Variants in PSTPIP2 observed in about 807,000 individuals in gnomAD.
PSTPIP2 encodes proline-serine-threonine phosphatase-interacting protein 2.
PSTPIP2 carries 33 observed loss-of-function variants against 63.3 expected under a neutral mutation model. The ratio of observed to expected loss-of-function variants is 0.52; its 90% CI spans 0.40 to 0.70. PSTPIP2 has a LOEUF of 0.70. Ranked by LOEUF, PSTPIP2 falls within the 30% of genes least tolerant of loss-of-function variation. PSTPIP2 has a pLI of 0.00. For missense variants in PSTPIP2, 312 were observed against 400.7 expected, an observed-to-expected ratio of 0.78 and a Z score of 1.89; for synonymous variants, 125 against 132.7, an observed-to-expected ratio of 0.94 and a Z score of 0.40.
intron 2 of PSTPIP2, chr18:46,028,335 G>A (rs1010989290): frequency 2.1e-6 from 1 of 474,136 alleles, no homozygotes; most frequent in South Asian, 1.7e-5. Context: ...GAGCGGGGCC[G>A]AGCGAGCCGC....
intron 7 of PSTPIP2, 93 bp downstream of exon 7, chr18:45,999,343 G>A: frequency 1.7e-6 from 2 of 1,186,368 alleles, no homozygotes; most frequent in Non-Finnish European, 2.5e-6. Context: ...AGGGGTTTAG[G>A]ATACAGGTTC....
intron 14 of PSTPIP2, among the ~76,000 whole-genome samples, chr18:45,986,057 A>G (rs1164022891): frequency 6.6e-6 from 1 of 152,192 alleles, no homozygotes; most frequent in African/African-American, 2.4e-5. Context: ...AATTACAGGC[A>G]TGAGCCACCG....
Position 45,985,441 on chromosome 18 carries a change from G to C in PSTPIP2, c.*18C>G. The C allele has an allele frequency of 1.2e-6, 2 of 1,613,310 alleles. No homozygotes were observed. Among genetic ancestry groups the C allele is most frequent in the Admixed American group, 1.7e-5 (1 of 59,796 alleles). On this transcript the variant is annotated 3_prime_UTR_variant, in exon 15 of 15. Transcript: ENST00000409746. ...ATCACAGAAGCACTAGCCGGAAAAA[G>C]CTCTGGTTTCTGAAAGAAAATAACA... is the stretch of plus-strand genomic sequence containing the variant.
intron 3 of PSTPIP2, among the ~76,000 whole-genome samples, chr18:46,022,790 T>A (rs1481055879): frequency 6.6e-6 from 1 of 152,028 alleles, no homozygotes; most frequent in Non-Finnish European, 1.5e-5. Flanking sequence ...ACTGAAAAAT[T>A]AAAAATTATG....
intron 1 of PSTPIP2, among the ~76,000 whole-genome samples, chr18:46,069,708 A>G (rs553601664): frequency 8.5e-5 from 13 of 152,354 alleles, no homozygotes; most frequent in Admixed American, 6.5e-5. Flanking sequence ...TTTCAGGAAC[A>G]TGTACAAACA....
chr18:46,011,654 TC>T (rs1328332205), intron 4 of PSTPIP2, among the ~76,000 whole-genome samples: 4 of 152,274 alleles, frequency 2.6e-5, no homozygotes, highest in African/African-American at 7.2e-5. Context: ...CCTCTAAGTT[TC>T]CTTCCATCTC....
chr18:46,050,741 A>G (rs538279842), intron 1 of PSTPIP2, among the ~76,000 whole-genome samples: 80 of 152,326 alleles, frequency 5.3e-4, no homozygotes, highest in African/African-American at 1.8e-3. Context: ...TGAAAGTTAT[A>G]TATATGAGCC....
At chr18:45,991,881 T>C (rs374430995) in intron 12 of PSTPIP2, 21 bp downstream of exon 12, 34 of 1,560,162 alleles carry the variant, frequency 2.2e-5, no homozygotes, top group Non-Finnish European at 2.9e-5. Flanking sequence ...TTTCTTCATA[T>C]GAAAGGCAGC....
rs112407480 is a variant in PSTPIP2 at position 46,060,400 on chromosome 18, A to G, written c.33+11756T>C. On this transcript the variant is annotated intron_variant, in intron 1 of 14. Coordinates refer to ENST00000409746, the MANE Select transcript of PSTPIP2 (RefSeq NM_024430.4). The stretch of plus-strand genomic sequence containing the variant: ...CACCTCCTTAACACAACTATGACGT[A>G]CTTTATCATTTGAAACACATTGTAG... 5.9e-3 allele frequency among the ~76,000 whole-genome samples: 894 copies of G among 152,364 alleles called. 17 individuals are homozygous for G. Among genetic ancestry groups the G allele is most frequent in the Admixed American group, 0.033 (509 of 15,306 alleles).
intron 9 of PSTPIP2, among the ~76,000 whole-genome samples, chr18:45,994,278 GTATTC>G (rs1470856812): frequency 2.0e-5 from 3 of 152,158 alleles, no homozygotes; most frequent in Non-Finnish European, 4.4e-5. Context: ...GAAGCAGATG[GTATTC>G]TATTCAACAG....
intron 5 of PSTPIP2, 74 bp from the exon 6 acceptor site, chr18:46,005,605 C>T (rs1239270799): frequency 2.7e-6 from 3 of 1,124,824 alleles, no homozygotes; most frequent in Non-Finnish European, 2.5e-6. Flanking sequence ...ATTATCAATA[C>T]CAGCTTATCT....
At chr18:46,032,754 C>CAAAAAAAAAAAAAAAAAAAAA (rs762015034) in intron 2 of PSTPIP2, among the ~76,000 whole-genome samples, 1 of 50,158 alleles carries the variant, frequency 2.0e-5, no homozygotes, top group Admixed American at 2.3e-4. Context: ...AACTCTGTGT[C>CAAAAAAAAAAAAAAAAAAAAA]AAAAAAAAAA....
intron 14 of PSTPIP2, 36 bp from the exon 15 acceptor site, chr18:45,985,486 A>C: frequency 6.2e-7 from 1 of 1,608,186 alleles, no homozygotes; most frequent in Non-Finnish European, 8.5e-7. Flanking sequence ...CCTCTGAATG[A>C]AAGGTGCTTG....
At position 46,028,311 on chromosome 18, in the gene PSTPIP2, G is replaced by A. The variant is rs1907664479; in HGVS notation, c.135-3625C>T. 6.4e-6 allele frequency: 3 copies of A among 465,670 alleles called. No homozygotes were observed. The East Asian group carries it at 1.7e-4, about 26-fold the overall frequency. The allele number at this position is 465,670 out of a possible 1,614,324, so 28.8% of individuals were successfully genotyped here. On this transcript the variant is annotated intron_variant, in intron 2 of 14. Coordinates refer to ENST00000409746, the MANE Select transcript of PSTPIP2 (RefSeq NM_024430.4). Reference sequence around the variant, plus strand: ...CGAAGCGTTAGCCCGGAACGAGGGCGGACTGGAAAGCCGGAGCGGGGCCGA... The same window carrying A: ...CGAAGCGTTAGCCCGGAACGAGGGCAGACTGGAAAGCCGGAGCGGGGCCGA...
intron 1 of PSTPIP2, 148 bp downstream of exon 1, chr18:46,072,008 A>C (rs879305962): frequency 3.9e-5 from 41 of 1,056,158 alleles, no homozygotes; most frequent in Non-Finnish European, 5.1e-5. Context: ...TGGGGCCCCG[A>C]TCCCTTCACG....
intron 9 of PSTPIP2, 48 bp downstream of exon 9, chr18:45,997,701 A>ACCCTCC: frequency 6.0e-6 from 2 of 332,626 alleles, no homozygotes. Context: ...TGTTACACAC[A>ACCCTCC]CCCCCACCCA....
chr18:45,988,283 A>G (rs1356378959), intron 14 of PSTPIP2, among the ~76,000 whole-genome samples: 2 of 140,932 alleles, frequency 1.4e-5, no homozygotes, highest in Non-Finnish European at 3.0e-5. Flanking sequence ...AATACAAAAA[A>G]TATTAGCTGG....
chr18:46,038,863 G>A (rs755474221), intron 2 of PSTPIP2, among the ~76,000 whole-genome samples: 5 of 152,172 alleles, frequency 3.3e-5, no homozygotes, highest in Admixed American at 3.3e-4. Context: ...GAGGCAGGGC[G>A]TGGTGGCTCA....
intron 1 of PSTPIP2, among the ~76,000 whole-genome samples, chr18:46,070,403 C>T (rs1405783261): frequency 6.6e-6 from 1 of 151,876 alleles, no homozygotes; most frequent in Non-Finnish European, 1.5e-5. Flanking sequence ...TGGCATGGGG[C>T]TGAGGGGTGG....
Sources: gnomAD v4.1 joint callset for allele counts (sites outside exome capture counted in the v4.1 genomes callset) on GRCh38, gnomAD v4.1.1 for gene constraint, MANE v1.5 for transcripts, NCBI Gene and HGNC (gene_info 2026-07-23, HGNC 2026-07-21) for gene names.